Variants in UBR3 observed in about 807,000 individuals in gnomAD.
UBR3 encodes the protein ubiquitin protein ligase E3 component n-recognin 3, also known as E3 ubiquitin-protein ligase UBR3.
In UBR3, 85 loss-of-function variants were observed where a neutral mutation model predicts 243.2. The ratio of observed to expected loss-of-function variants is 0.35; its 90% CI spans 0.29 to 0.42. The LOEUF is 0.42. Ranked by LOEUF, UBR3 falls within the 10% of genes least tolerant of loss-of-function variation. The pLI, the probability that UBR3 is intolerant of heterozygous loss-of-function variation, is 1.00. For synonymous variants in UBR3, 748 were observed against 799.8 expected (o/e 0.94, Z 1.09); for missense variants, 1,686 against 2,300.8 (o/e 0.73, Z 5.47).
Position 169,827,936 on chromosome 2 carries a change from G to A in UBR3, c.429G>A (p.Ser143=), listed in dbSNP as rs748522549. 1.3e-5 allele frequency: 20 copies of A among 1,485,394 alleles called. No homozygotes were observed. In the African/African-American group the frequency reaches 2.2e-4, roughly 16 times the overall value. 92.0% of individuals were successfully genotyped at this position (1,485,394 alleles called of 1,614,324 possible). The change falls in exon 1 of 39, where the codon TCG becomes TCA. Residue 143 remains serine, a synonymous_variant. Coordinates refer to ENST00000272793, the MANE Select transcript of UBR3 (RefSeq NM_172070.4). ...CGTGCGGCATCTCGCCCTGCATGTC[G>A]CTGTGCGCCGAGTGCTTCCACCAGG... ...CRTCGISPCM[S]LCAECFHQGD...
chr2:169,967,580 G>A (rs1203945273), intron 24 of UBR3, among the ~76,000 whole-genome samples: 2 of 151,998 alleles, frequency 1.3e-5, no homozygotes, highest in African/African-American at 4.8e-5. Context: ...AAAAATTGAG[G>A]CCTGTTGTTT....
At chr2:169,972,751 G>C (rs1236055888) in intron 24 of UBR3, among the ~76,000 whole-genome samples, 1 of 151,800 alleles carries the variant, frequency 6.6e-6, no homozygotes, top group African/African-American at 2.4e-5. Context: ...ATTAGGTATT[G>C]ATGGGACGTA....
chr2:170,056,209 TG>T (rs1300107977), intron 33 of UBR3, among the ~76,000 whole-genome samples: 1 of 152,050 alleles, frequency 6.6e-6, no homozygotes, highest in Admixed American at 6.6e-5. Context: ...GGTTTCACCA[TG>T]TTGGCCAGGC....
intron 5 of UBR3, among the ~76,000 whole-genome samples, chr2:169,881,239 G>T (rs2083809224): frequency 6.6e-6 from 1 of 151,430 alleles, no homozygotes; most frequent in Admixed American, 6.6e-5. Context: ...GAGTGCAGTG[G>T]CATGATCTTG....
chr2:170,064,670 GATT>G (rs1225691232), intron 35 of UBR3, among the ~76,000 whole-genome samples: 3 of 151,642 alleles, frequency 2.0e-5, no homozygotes, highest in Non-Finnish European at 4.4e-5. Context: ...CAAATTTCTG[GATT>G]ATTATATACT....
intron 31 of UBR3, among the ~76,000 whole-genome samples, chr2:170,033,121 T>C (rs1330254073): frequency 6.6e-6 from 1 of 152,058 alleles, no homozygotes; most frequent in Non-Finnish European, 1.5e-5. Flanking sequence ...TAAAAGGTGT[T>C]CAGCAAACAA....
At chr2:169,913,772 G>C (rs2085348361) in intron 10 of UBR3, among the ~76,000 whole-genome samples, 1 of 151,874 alleles carries the variant, frequency 6.6e-6, no homozygotes. Flanking sequence ...AAATTGGGGG[G>C]GGTGTCTCTT....
In UBR3 at chr2:170,080,337, C is replaced by T. The variant is rs1402502349; in HGVS notation, c.5410-208C>T. On this transcript the variant is annotated intron_variant, in intron 37 of 38. Coordinates refer to ENST00000272793, the MANE Select transcript of UBR3 (RefSeq NM_172070.4). Reference sequence around the variant, plus strand: ...GATACTAGACTCTGAATTAGGTTGGCTCTTAATTGCTTTACTAGATATTCC... The same window carrying T: ...GATACTAGACTCTGAATTAGGTTGGTTCTTAATTGCTTTACTAGATATTCC... The T allele has an allele frequency of 7.7e-5, 48 of 623,422 alleles. No homozygotes were observed. The East Asian group carries it at 1.4e-3, about 18-fold the overall frequency. The allele number at this position is 623,422 out of a possible 1,614,324, so 38.6% of individuals were successfully genotyped here. A position where few individuals can be genotyped will look rare whatever the true frequency, so the allele number is the denominator to read the frequency against.
At chr2:169,855,277 T>C (rs777757635) in intron 1 of UBR3, among the ~76,000 whole-genome samples, 3 of 152,254 alleles carry the variant, frequency 2.0e-5, no homozygotes, top group African/African-American at 4.8e-5. Context: ...TGTTCTCATA[T>C]ATAATACGCT....
At position 169,949,901 on chromosome 2, in the gene UBR3, T is replaced by A; in HGVS notation, c.3381T>A (p.Ser1127Arg). ...TCCAACCAGAAATTCCTAAATACAG[T>A]CATGGAGATGGTATAACTGCCGTGG... is the stretch of plus-strand genomic sequence containing the variant. ...ILIQPEIPKY[S>R]HGDGITAVER... The change falls in exon 23 of 39, where the codon AGT (serine) becomes AGA (arginine). Residue 1127 changes from serine (S) to arginine (R), a missense_variant. Ser to Arg is a moderately radical substitution (Grantham distance 110). This residue lies in a region of UBR3 where 300 missense variants were observed against 314.4 expected (regional missense o/e 0.95). Transcript: ENST00000272793. The A allele has an allele frequency of 6.2e-7, 1 of 1,612,824 alleles. No individual in the cohort carries two copies. Among genetic ancestry groups the A allele is most frequent in the Non-Finnish European group, 8.5e-7 (1 of 1,179,350 alleles).
rs1162585470 is a variant in UBR3, at chr2:169,923,575, G to A, written c.1867-354G>A. Among the ~76,000 whole-genome samples the A allele has an allele frequency of 2.6e-5, 4 of 152,270 alleles. No individual in the cohort carries two copies. In the East Asian group the frequency reaches 7.7e-4, roughly 29 times the overall value. ...CATGATGTTTGGTATACATGCGTTT[G>A]AAGAGTCCCAAATGGTCTACTGTAG... is the stretch of plus-strand genomic sequence containing the variant. On this transcript the variant is annotated intron_variant, in intron 11 of 38. Transcript: ENST00000272793.
intron 1 of UBR3, among the ~76,000 whole-genome samples, chr2:169,835,455 G>T (rs2082053314): frequency 6.6e-6 from 1 of 152,188 alleles, no homozygotes; most frequent in African/African-American, 2.4e-5. Context: ...TTGTTTGTTT[G>T]TTTTGATATG....
chr2:169,870,139 T>A (rs573528911), intron 1 of UBR3, among the ~76,000 whole-genome samples: 1 of 152,206 alleles, frequency 6.6e-6, no homozygotes, highest in Admixed American at 6.5e-5. Context: ...TCGTATATAG[T>A]ATAAGATAGG....
At chr2:169,850,800 C>T (rs189760442) in intron 1 of UBR3, among the ~76,000 whole-genome samples, 29 of 150,926 alleles carry the variant, frequency 1.9e-4, no homozygotes, top group African/African-American at 5.1e-4. Context: ...GCTGAGATTG[C>T]GCCACTCCAC....
intron 27 of UBR3, among the ~76,000 whole-genome samples, chr2:170,005,552 C>T (rs1163285847): frequency 3.9e-5 from 6 of 151,962 alleles, no homozygotes; most frequent in Non-Finnish European, 8.8e-5. Context: ...ACCTGATGAA[C>T]TGGGAGAAAA....
chr2:170,073,691 T>A, intron 36 of UBR3, 84 bp downstream of exon 36: 4 of 1,419,818 alleles, frequency 2.8e-6, no homozygotes, highest in Non-Finnish European at 3.8e-6. Context: ...AAATTTTAGG[T>A]CATCTGTTTT....
At chr2:169,848,531 C>G (rs989420419) in intron 1 of UBR3, among the ~76,000 whole-genome samples, 2 of 151,642 alleles carry the variant, frequency 1.3e-5, no homozygotes, top group Non-Finnish European at 2.9e-5. Context: ...TTTAAGTTCA[C>G]TTAGGGCAGT....
rs1299785653 is a variant in UBR3, at chr2:170,017,034, TATGCAA to T, written c.4453+1670_4453+1675del. On this transcript the variant is annotated intron_variant, in intron 30 of 38. Transcript: ENST00000272793. ...ATATATATATAGAATATGTTGTATA[TATGCAA>T]AATCCCACTATCTTACAAGTGTATG... is the stretch of plus-strand genomic sequence containing the variant. The T allele has an allele frequency of 6.8e-5, 12 of 176,782 alleles. No individual in the cohort carries two copies. In the East Asian group the frequency reaches 1.9e-3, roughly 28 times the overall value. 11.0% of individuals were successfully genotyped at this position (176,782 alleles called of 1,614,324 possible).
intron 27 of UBR3, among the ~76,000 whole-genome samples, chr2:170,001,933 AAAAAAAAAAG>A (rs1167550496): frequency 8.1e-5 from 11 of 135,516 alleles, no homozygotes; most frequent in African/African-American, 3.2e-4. Flanking sequence ...AAAAAAAAAA[AAAAAAAAAAG>A]AAAGAAAAAT....
Sources: allele counts gnomAD v4.1 joint callset (sites outside exome capture counted in the v4.1 genomes callset), GRCh38; gene constraint gnomAD v4.1.1; regional missense constraint gnomAD v4.1.1; transcripts MANE v1.5; gene names NCBI Gene and HGNC (gene_info 2026-07-23, HGNC 2026-07-21).